The following SLC13A4 variants were observed in gnomAD, a reference collection of about 807,000 sequenced individuals.
SLC13A4 encodes the protein solute carrier family 13 member 4.
A neutral mutation model predicts 72.7 loss-of-function variants in SLC13A4; 28 were observed. The observed-to-expected ratio is 0.39, with a 90% CI of 0.29 to 0.53. SLC13A4 has a LOEUF of 0.53. Among genes scored for constraint, SLC13A4 ranks in the 20% least tolerant of loss-of-function variants. The pLI is 0.78. For missense variants in SLC13A4, 653 were observed against 788.0 expected, an observed-to-expected ratio of 0.83 and a Z score of 2.05; for synonymous variants, 312 against 325.5, an observed-to-expected ratio of 0.96 and a Z score of 0.45.
intron 2 of SLC13A4, among the ~76,000 whole-genome samples, chr7:135,720,445 A>G (rs1796521440): frequency 6.6e-6 from 1 of 151,428 alleles, no homozygotes; most frequent in Admixed American, 6.6e-5. Flanking sequence ...AGCACTTCTG[A>G]TAGAGTGCCT....
chr7:135,705,516 T>C (rs1796140006), intron 5 of SLC13A4, 80 bp downstream of exon 5: 1 of 1,343,944 alleles, frequency 7.4e-7, no homozygotes, highest in Non-Finnish European at 1.1e-6. Flanking sequence ...AAGAGCTGTT[T>C]ATGGGTCTAG....
intron 15 of SLC13A4, chr7:135,683,493 G>A (rs890438566): frequency 2.0e-6 from 2 of 983,938 alleles, no homozygotes; most frequent in Non-Finnish European, 2.4e-6. Flanking sequence ...CCCCCGCTCA[G>A]CCCTGGATAC....
At chr7:135,706,336 G>T in intron 3 of SLC13A4, 36 bp from the exon 4 acceptor site, 1 of 1,565,720 alleles carries the variant, frequency 6.4e-7, no homozygotes, top group South Asian at 1.2e-5. Context: ...GAGCGTCCAC[G>T]GAACACACAT....
intron 13 of SLC13A4, among the ~76,000 whole-genome samples, chr7:135,686,373 A>AT (rs992567534): frequency 4.6e-5 from 7 of 151,680 alleles, no homozygotes; most frequent in South Asian, 2.1e-4. Flanking sequence ...TCTGTCAGGA[A>AT]TTTTTTTTTA....
At chr7:135,690,812 C>T (rs1795767325) in intron 13 of SLC13A4, among the ~76,000 whole-genome samples, 2 of 152,172 alleles carry the variant, frequency 1.3e-5, no homozygotes, top group Non-Finnish European at 2.9e-5. Context: ...TTGAGTCTTT[C>T]CTCCCATGCC....
intron 2 of SLC13A4, among the ~76,000 whole-genome samples, chr7:135,714,653 G>A (rs1796373170): frequency 6.6e-6 from 1 of 152,240 alleles, no homozygotes; most frequent in African/African-American, 2.4e-5. Context: ...CCATGGCGAG[G>A]AGAGATGGGA....
At chr7:135,717,022 C>T (rs1796447168) in intron 2 of SLC13A4, among the ~76,000 whole-genome samples, 1 of 152,212 alleles carries the variant, frequency 6.6e-6, no homozygotes, top group Non-Finnish European at 1.5e-5. Context: ...TTGTCTCTTC[C>T]TGTCCGCATG....
At position 135,683,484 on chromosome 7, in the gene SLC13A4, C is replaced by G. The variant is rs548887126; in HGVS notation, c.1746+640G>C. 198 of 978,484 alleles carry G rather than the reference C, an allele frequency of 2.0e-4. 1 individual carries two copies. Among genetic ancestry groups the G allele is most frequent in the East Asian group, 1.6e-3 (14 of 8,732 alleles). The allele number at this position is 978,484 out of a possible 1,614,324, so 60.6% of individuals were successfully genotyped here. On this transcript the variant is annotated intron_variant, in intron 15 of 15. Transcript: ENST00000682651. ...TATCAGTGTTTTCCATCCTCTCCCC[C>G]CCCGCTCAGCCCTGGATACTAAGTA... is the stretch of plus-strand genomic sequence containing the variant.
Position 135,684,214 on chromosome 7 carries a change from G to A in SLC13A4, c.1656C>T (p.Thr552=). 6.2e-7 allele frequency: 1 copy of A among 1,613,064 alleles called. No individual in the cohort carries two copies. Among genetic ancestry groups the A allele is most frequent in the Non-Finnish European group, 8.5e-7 (1 of 1,179,420 alleles). The part of the protein sequence containing the change: ...INPLYTLIPV[T]MCISFAVMLP... Reference sequence around the variant, plus strand: ...GCATCACTGCAAAGGAGATGCACATGGTGACTGGGATCAGGGTGTAGAGGG... The same window carrying A: ...GCATCACTGCAAAGGAGATGCACATAGTGACTGGGATCAGGGTGTAGAGGG... The change falls in exon 15 of 16, where the codon ACC becomes ACT. Residue 552 remains threonine, a synonymous_variant. Transcript: ENST00000682651.
intron 5 of SLC13A4, 160 bp downstream of exon 5, chr7:135,705,436 G>T (rs1309312251): frequency 5.1e-6 from 3 of 586,140 alleles, no homozygotes; most frequent in Non-Finnish European, 8.9e-6. Context: ...GGTATGGAGA[G>T]GAAATGGGGG....
Position 135,708,120 on chromosome 7 carries a change from G to T in SLC13A4, c.359C>A (p.Pro120Gln). 6.2e-7 allele frequency: 1 copy of T among 1,613,068 alleles called. No individual in the cohort carries two copies. The highest frequency in any genetic ancestry group is 8.5e-7 in the Non-Finnish European group (1 of 1,179,096). Residue 120 changes from proline (P) to glutamine (Q), a missense_variant, in exon 3 of 16, where the codon CCG (proline) becomes CAG (glutamine). Physicochemically the swap from Pro to Gln is moderately conservative, Grantham distance 76. Transcript: ENST00000682651. ...CATCCCAAATAAGACTTACATGCCC[G>T]GCTTGGCTCCGGCCATCAAGACCAT... ...LRMVLMAGAK[P>Q]GMLLLCFMCC...
chr7:135,683,955 A>G (rs1418914861), intron 15 of SLC13A4, among the ~76,000 whole-genome samples, 169 bp downstream of exon 15: 1 of 152,202 alleles, frequency 6.6e-6, no homozygotes, highest in African/African-American at 2.4e-5. Flanking sequence ...CTTGGTGCTT[A>G]TAGACCAACA....
intron 2 of SLC13A4, among the ~76,000 whole-genome samples, chr7:135,712,615 C>T (rs557848661): frequency 1.1e-4 from 16 of 152,320 alleles, no homozygotes; most frequent in Admixed American, 9.8e-4. Context: ...AGTGCTCCAT[C>T]TAAAGGCTGA....
chr7:135,702,776 G>C (rs753428294), intron 6 of SLC13A4, 69 bp downstream of exon 6: 1 of 1,303,452 alleles, frequency 7.7e-7, no homozygotes, highest in South Asian at 1.2e-5. Context: ...CTGAATCTTG[G>C]GTTTCCATGA....
chr7:135,684,002 T>G, intron 15 of SLC13A4, 122 bp downstream of exon 15: 1 of 1,164,232 alleles, frequency 8.6e-7, no homozygotes, highest in South Asian at 2.2e-5. Context: ...GCTACCACAC[T>G]GGGTTTAGCA....
intron 13 of SLC13A4, among the ~76,000 whole-genome samples, chr7:135,686,429 G>A (rs1159033590): frequency 2.0e-5 from 3 of 152,120 alleles, no homozygotes; most frequent in Non-Finnish European, 4.4e-5. Context: ...CAGGATGAGT[G>A]CAGCAGCATG....
intron 2 of SLC13A4, among the ~76,000 whole-genome samples, chr7:135,720,181 C>T (rs1310205287): frequency 6.6e-6 from 1 of 152,194 alleles, no homozygotes; most frequent in African/African-American, 2.4e-5. Flanking sequence ...AGTGAAGAGA[C>T]TCACAGTTCT....
Position 135,695,455 on chromosome 7 carries a change from C to T in SLC13A4, c.932G>A (p.Gly311Asp). ...QYPAAEVVNF[G>D]TWFLFSFPIS... ...GGGGAAGCTGAAGAGGAACCAGGTGCCAAAGTTCACCACCTCTGCGGCTGG... is the reference window on the plus strand; with the variant it reads ...GGGGAAGCTGAAGAGGAACCAGGTGTCAAAGTTCACCACCTCTGCGGCTGG... The change falls in exon 9 of 16, where the codon GGC becomes GAC. Residue 311 changes from glycine to aspartate, a missense_variant. Gly to Asp is a moderately conservative substitution (Grantham distance 94). Coordinates refer to ENST00000682651, the MANE Select transcript of SLC13A4 (RefSeq NM_001318192.2). 1 of 1,614,112 alleles carries T rather than the reference C, an allele frequency of 6.2e-7. No homozygotes were observed. Among genetic ancestry groups the T allele is most frequent in the Non-Finnish European group, 8.5e-7 (1 of 1,179,990 alleles).
At chr7:135,720,145 C>T (rs1051283161) in intron 2 of SLC13A4, among the ~76,000 whole-genome samples, 4 of 152,106 alleles carry the variant, frequency 2.6e-5, no homozygotes, top group Admixed American at 2.0e-4. Flanking sequence ...CCATAGGCCC[C>T]GCTCCATTCT....
Sources: gnomAD v4.1 joint callset for allele counts (sites outside exome capture counted in the v4.1 genomes callset) on GRCh38, gnomAD v4.1.1 for gene constraint, MANE v1.5 for transcripts, NCBI Gene and HGNC (gene_info 2026-07-23, HGNC 2026-07-21) for gene names.